DNM3: variants seen among roughly 807,000 people sequenced by gnomAD.
DNM3 encodes dynamin 3.
Under a neutral mutation model 101.6 loss-of-function variants are expected in DNM3, and 47 were observed. The ratio of observed to expected loss-of-function variants is 0.46; its 90% CI spans 0.37 to 0.59. The LOEUF (loss-of-function observed/expected upper bound fraction) is 0.59. DNM3 is among the 20% of genes least tolerant of loss of function. The pLI, the probability that DNM3 is intolerant of heterozygous loss-of-function variation, is 0.00. For synonymous variants in DNM3, 385 were observed against 387.9 expected (o/e 0.99, Z 0.09); for missense variants, 849 against 1,085.7 (o/e 0.78, Z 3.06).
chr1:172,298,657 G>A (rs1186284894), intron 15 of DNM3, among the ~76,000 whole-genome samples: 2 of 152,110 alleles, frequency 1.3e-5, no homozygotes, highest in Non-Finnish European at 2.9e-5. Context: ...TGAGTAAGAA[G>A]TGGAGAGGAA....
intron 14 of DNM3, among the ~76,000 whole-genome samples, chr1:172,250,533 G>C (rs895533188): frequency 2.0e-5 from 3 of 152,110 alleles, no homozygotes; most frequent in East Asian, 3.8e-4. Context: ...GGTGATGTTA[G>C]AGAAATTGGA....
intron 6 of DNM3, among the ~76,000 whole-genome samples, chr1:172,035,754 G>A (rs1364126154): frequency 4.6e-5 from 7 of 152,046 alleles, no homozygotes; most frequent in South Asian, 4.1e-4. Flanking sequence ...CGTTGCTGTC[G>A]GGAATGCTGT....
intron 14 of DNM3, among the ~76,000 whole-genome samples, chr1:172,242,047 G>A (rs2061768655): frequency 6.6e-6 from 1 of 152,102 alleles, no homozygotes; most frequent in African/African-American, 2.4e-5. Flanking sequence ...AATTGTTGGA[G>A]GAGTGTGCAG....
chr1:172,045,476 C>G (rs1572235411), intron 9 of DNM3, among the ~76,000 whole-genome samples: 1 of 152,144 alleles, frequency 6.6e-6, no homozygotes, highest in South Asian at 2.1e-4. Context: ...GGGCACTAAT[C>G]CCATTCATGA....
At chr1:172,103,175 C>T (rs546007880) in intron 13 of DNM3, among the ~76,000 whole-genome samples, 1 of 152,218 alleles carries the variant, frequency 6.6e-6, no homozygotes, top group African/African-American at 2.4e-5. Context: ...TATATATACA[C>T]ATATATACAC....
At chr1:172,017,668 A>T (rs1280584530) in intron 4 of DNM3, among the ~76,000 whole-genome samples, 1 of 152,142 alleles carries the variant, frequency 6.6e-6, no homozygotes, top group Admixed American at 6.5e-5. Flanking sequence ...AAAAATGTTT[A>T]TTCTCCTGTT....
At chr1:172,314,647 GTC>G (rs2065238521) in intron 16 of DNM3, among the ~76,000 whole-genome samples, 1 of 152,226 alleles carries the variant, frequency 6.6e-6, no homozygotes, top group East Asian at 1.9e-4. Flanking sequence ...TAGCACAGCA[GTC>G]TGAGATCAAA....
intron 15 of DNM3, 58 bp downstream of exon 15, chr1:172,253,740 T>C: frequency 5.3e-6 from 6 of 1,142,182 alleles, no homozygotes; most frequent in Non-Finnish European, 7.3e-6. Context: ...TCTACATGAT[T>C]CAGAGATCAT....
In DNM3 at chr1:172,081,968, A is replaced by AT. The variant is rs565701263; in HGVS notation, c.1493+71dup. ...GATTTGTCTCAAACACACATTGTGA[A>AT]TTTTTACTACAGTTTCACCACCTTT... On this transcript the variant is annotated intron_variant, in intron 12 of 20. Coordinates refer to ENST00000627582, the MANE Select transcript of DNM3 (RefSeq NM_015569.5). The AT allele has an allele frequency of 1.1e-3, 1,654 of 1,488,622 alleles. 4 individuals carry two copies. Among genetic ancestry groups the AT allele is most frequent in the Non-Finnish European group, 1.0e-3 (1,121 of 1,071,224 alleles). 92.2% of individuals were successfully genotyped at this position (1,488,622 alleles called of 1,614,324 possible). A position where few individuals can be genotyped will look rare whatever the true frequency, so the allele number is the denominator to read the frequency against.
At position 172,029,961 on chromosome 1, in the gene DNM3, C is replaced by T. The variant is rs2048485084; in HGVS notation, c.590-2441C>T. On this transcript the variant is annotated intron_variant, in intron 4 of 20. Coordinates refer to ENST00000627582, the MANE Select transcript of DNM3 (RefSeq NM_015569.5). ...GCTCCTGGATAGGAAGAATCAATATCATGAAAATGGCCATAGTGTCCAAAG... is the reference window on the plus strand; with the variant it reads ...GCTCCTGGATAGGAAGAATCAATATTATGAAAATGGCCATAGTGTCCAAAG... Among the ~76,000 whole-genome samples, 3 of 152,144 alleles carry T rather than the reference C, an allele frequency of 2.0e-5. No individual in the cohort carries two copies. In the South Asian group the frequency reaches 6.2e-4, roughly 32 times the overall value.
At chr1:172,249,193 G>C (rs1557879990) in intron 14 of DNM3, among the ~76,000 whole-genome samples, 1 of 152,024 alleles carries the variant, frequency 6.6e-6, no homozygotes, top group Non-Finnish European at 1.5e-5. Context: ...TATATTGATG[G>C]TGCTCTGCCA....
At chr1:172,333,070 G>T (rs2066257804) in intron 17 of DNM3, among the ~76,000 whole-genome samples, 1 of 152,120 alleles carries the variant, frequency 6.6e-6, no homozygotes, top group Non-Finnish European at 1.5e-5. Flanking sequence ...CAGCAAAATA[G>T]ACTGAAGAAG....
chr1:172,270,031 A>G (rs909425578), intron 15 of DNM3, among the ~76,000 whole-genome samples: 2 of 152,192 alleles, frequency 1.3e-5, no homozygotes, highest in Non-Finnish European at 2.9e-5. Flanking sequence ...TCAGGTTTTT[A>G]GCAATAACAT....
At chr1:172,059,172 A>G (rs1407880010) in intron 10 of DNM3, among the ~76,000 whole-genome samples, 2 of 149,414 alleles carry the variant, frequency 1.3e-5, no homozygotes, top group Non-Finnish European at 3.0e-5. Context: ...GAATAGACCA[A>G]TAACAGGCTC....
intron 17 of DNM3, among the ~76,000 whole-genome samples, chr1:172,352,479 C>A (rs1050892656): frequency 2.0e-5 from 3 of 152,110 alleles, no homozygotes; most frequent in African/African-American, 4.8e-5. Flanking sequence ...GTCCCTAAAT[C>A]ACTACAGCAT....
At chr1:172,261,370 C>T (rs578258353) in intron 15 of DNM3, among the ~76,000 whole-genome samples, 2 of 152,310 alleles carry the variant, frequency 1.3e-5, no homozygotes, top group East Asian at 1.9e-4. Flanking sequence ...CTCTGTATGA[C>T]TTCTTCATTT....
chr1:172,307,986 G>A (rs1051870685), intron 15 of DNM3, among the ~76,000 whole-genome samples: 2 of 151,892 alleles, frequency 1.3e-5, no homozygotes, highest in South Asian at 2.1e-4. Context: ...AAACCTGCAC[G>A]CTGTGCACAT....
At chr1:172,192,421 A>T (rs1254998326) in intron 14 of DNM3, among the ~76,000 whole-genome samples, 1 of 148,738 alleles carries the variant, frequency 6.7e-6, no homozygotes, top group Non-Finnish European at 1.5e-5. Context: ...ACATGTGCAC[A>T]TTGTGCAGGT....
intron 20 of DNM3, among the ~76,000 whole-genome samples, chr1:172,394,577 A>G (rs1392007190): frequency 2.0e-5 from 3 of 152,200 alleles, no homozygotes; most frequent in African/African-American, 7.2e-5. Context: ...ATCCCATGAC[A>G]AATAATAGCA....
Sources: gnomAD v4.1 joint callset for allele counts (sites outside exome capture counted in the v4.1 genomes callset) on GRCh38, gnomAD v4.1.1 for gene constraint, MANE v1.5 for transcripts, NCBI Gene and HGNC (gene_info 2026-07-23, HGNC 2026-07-21) for gene names.